Variants in RBFOX1 observed in about 807,000 individuals in gnomAD.
The protein encoded by RBFOX1 is RNA binding protein fox-1 homolog 1.
Under a neutral mutation model 57.7 loss-of-function variants are expected in RBFOX1, and 8 were observed. That is an observed-to-expected ratio of 0.14 (90% CI 0.08 to 0.25). The LOEUF is 0.25. Among genes scored for constraint, RBFOX1 ranks in the 10% least tolerant of loss-of-function variants. The probability of loss-of-function intolerance (pLI) is 1.00; values close to 1 mark genes in which losing one functional copy is unlikely to be tolerated. For synonymous variants in RBFOX1, 326 were observed against 222.4 expected (o/e 1.47, Z -4.15); for missense variants, 611 against 548.5 (o/e 1.11, Z -1.14).
intron 1 of RBFOX1, among the ~76,000 whole-genome samples, chr16:5,346,150 G>A (rs1331209703): frequency 1.3e-5 from 2 of 152,178 alleles, no homozygotes; most frequent in African/African-American, 2.4e-5. Flanking sequence ...TGGAGCTCCT[G>A]GGCTCTGGAG....
At chr16:7,589,714 C>T (rs2094334390) in intron 7 of RBFOX1, among the ~76,000 whole-genome samples, 1 of 151,640 alleles carries the variant, frequency 6.6e-6, no homozygotes, top group South Asian at 2.1e-4. Flanking sequence ...TGGGAAAGGG[C>T]CTTATTTAGA....
chr16:6,400,817 C>T (rs1200349393), intron 2 of RBFOX1, among the ~76,000 whole-genome samples: 10 of 152,140 alleles, frequency 6.6e-5, no homozygotes, highest in Admixed American at 6.6e-4. Context: ...ATCACGTGAA[C>T]CCAGGAGGCA....
chr16:6,509,511 G>A (rs1355332068), intron 2 of RBFOX1, among the ~76,000 whole-genome samples: 1 of 152,150 alleles, frequency 6.6e-6, no homozygotes, highest in East Asian at 1.9e-4. Flanking sequence ...GAGACAGAAA[G>A]TAGAAGGATG....
intron 4 of RBFOX1, among the ~76,000 whole-genome samples, chr16:7,112,845 T>A (rs2065092010): frequency 6.6e-6 from 1 of 152,146 alleles, no homozygotes; most frequent in African/African-American, 2.4e-5. Flanking sequence ...GTAACAGGAA[T>A]ATTAGTAATG....
chr16:6,182,705 T>G (rs908435144), intron 1 of RBFOX1, among the ~76,000 whole-genome samples: 1 of 152,188 alleles, frequency 6.6e-6, no homozygotes, highest in Non-Finnish European at 1.5e-5. Flanking sequence ...AATTGCATAT[T>G]CTGACCACCT....
chr16:6,266,197 T>A (rs2074467638), intron 1 of RBFOX1, among the ~76,000 whole-genome samples: 1 of 152,226 alleles, frequency 6.6e-6, no homozygotes, highest in Admixed American at 6.5e-5. Context: ...CCTGGACCCT[T>A]GAGAGAAGAT....
intron 3 of RBFOX1, among the ~76,000 whole-genome samples, chr16:6,837,875 C>A (rs545849945): frequency 1.3e-5 from 2 of 152,220 alleles, no homozygotes; most frequent in East Asian, 3.9e-4. Context: ...AGAAGAGGCA[C>A]TGAAAGCATG....
At chr16:6,415,017 C>T (rs1159331214) in intron 2 of RBFOX1, among the ~76,000 whole-genome samples, 5 of 151,876 alleles carry the variant, frequency 3.3e-5, no homozygotes, top group East Asian at 1.9e-4. Context: ...CCAAGACAGG[C>T]GGATCACCTG....
chr16:6,656,782 C>G lies in RBFOX1; in HGVS notation c.-16+2132C>G, dbSNP rs146889275. ...TTGTTGCAGTTAATTGGTGATGCAT[C>G]TTAGTGATAAGAAAAAATAATGCCC... On this transcript the variant is annotated intron_variant, in intron 3 of 15. Coordinates refer to ENST00000550418, the MANE Select transcript of RBFOX1 (RefSeq NM_018723.4). Among the ~76,000 whole-genome samples, 987 of 152,190 alleles carry G rather than the reference C, an allele frequency of 6.5e-3. 6 individuals carry two copies. Among genetic ancestry groups the G allele is most frequent in the Middle Eastern group, 0.01 (3 of 294 alleles).
chr16:7,476,597 T>G (rs2062765776), intron 4 of RBFOX1, among the ~76,000 whole-genome samples: 1 of 152,234 alleles, frequency 6.6e-6, no homozygotes, highest in Non-Finnish European at 1.5e-5. Flanking sequence ...AGTAACATTC[T>G]GAAATGAAGT....
At chr16:7,319,453 G>C (rs2096503875) in intron 4 of RBFOX1, among the ~76,000 whole-genome samples, 1 of 152,204 alleles carries the variant, frequency 6.6e-6, no homozygotes, top group South Asian at 2.1e-4. Flanking sequence ...AAGACGTGGA[G>C]GGTGGTAGGT....
chr16:6,919,887 G>A (rs1448017101), intron 3 of RBFOX1, among the ~76,000 whole-genome samples: 2 of 150,710 alleles, frequency 1.3e-5, no homozygotes, highest in African/African-American at 4.9e-5. Context: ...CCCATCACCT[G>A]AGCAGTGTAC....
At chr16:5,893,465 A>G (rs1255703720) in intron 4 of RBFOX1, among the ~76,000 whole-genome samples, 1 of 151,982 alleles carries the variant, frequency 6.6e-6, no homozygotes, top group East Asian at 1.9e-4. Flanking sequence ...GGTAATGGAG[A>G]CCCCATTTAA....
chr16:7,190,089 A>G (rs2084996527), intron 4 of RBFOX1, among the ~76,000 whole-genome samples: 1 of 152,208 alleles, frequency 6.6e-6, no homozygotes, highest in Non-Finnish European at 1.5e-5. Flanking sequence ...GGCCGGGCAC[A>G]GTGGCTCACT....
At chr16:6,340,808 C>T (rs757495409) in intron 2 of RBFOX1, among the ~76,000 whole-genome samples, 2 of 152,132 alleles carry the variant, frequency 1.3e-5, no homozygotes, top group Non-Finnish European at 2.9e-5. Context: ...GTCTTAGCCT[C>T]CTTTTACGCA....
At chr16:5,521,280 G>A (rs2044002776) in intron 2 of RBFOX1, among the ~76,000 whole-genome samples, 1 of 149,820 alleles carries the variant, frequency 6.7e-6, no homozygotes, top group Non-Finnish European at 1.5e-5. Flanking sequence ...TTTCTCAAGG[G>A]AGGCCCCTCA....
At chr16:6,841,350 T>C (rs1603631074) in intron 3 of RBFOX1, among the ~76,000 whole-genome samples, 2 of 152,268 alleles carry the variant, frequency 1.3e-5, no homozygotes, top group Non-Finnish European at 2.9e-5. Context: ...TGAAGAATGT[T>C]AGACAGGAAT....
At chr16:5,341,721 G>C (rs1381507072) in intron 1 of RBFOX1, among the ~76,000 whole-genome samples, 1 of 152,226 alleles carries the variant, frequency 6.6e-6, no homozygotes. Context: ...GCATCATACA[G>C]CTGGCCTTGA....
At chr16:5,509,122 TAG>T (rs1417707449) in intron 2 of RBFOX1, among the ~76,000 whole-genome samples, 1 of 152,172 alleles carries the variant, frequency 6.6e-6, no homozygotes, top group East Asian at 1.9e-4. Flanking sequence ...GTGTGAGATG[TAG>T]ACATGAAATA....
Sources: allele counts gnomAD v4.1 joint callset (sites outside exome capture counted in the v4.1 genomes callset), GRCh38; gene constraint gnomAD v4.1.1; transcripts MANE v1.5; gene names NCBI Gene and HGNC (gene_info 2026-07-23, HGNC 2026-07-21).